CDK12: variants seen among roughly 807,000 people sequenced by gnomAD.
The protein encoded by CDK12 is cyclin-dependent kinase 12.
Under a neutral mutation model 133.8 loss-of-function variants are expected in CDK12, and 17 were observed. The ratio of observed to expected loss-of-function variants is 0.13; its 90% CI spans 0.09 to 0.19. The LOEUF (loss-of-function observed/expected upper bound fraction) is 0.19, where lower values mean the gene tolerates loss of function less well. Among genes scored for constraint, CDK12 ranks in the 10% least tolerant of loss-of-function variants. The pLI is 1.00. For synonymous variants in CDK12, 694 were observed against 683.6 expected (o/e 1.02, Z -0.24); for missense variants, 1,508 against 1,818.7 (o/e 0.83, Z 3.11).
Position 39,490,079 on chromosome 17 carries a change from T to A in CDK12, c.1932-478T>A, listed in dbSNP as rs1490967471. On this transcript the variant is annotated intron_variant, in intron 2 of 13. Transcript: ENST00000447079. The stretch of plus-strand genomic sequence containing the variant: ...ACTATAGATTTCTATTTATAAAATT[T>A]ATCTCAGCCAGGCATGGTGGCTCAC... Among the ~76,000 whole-genome samples the A allele has an allele frequency of 2.0e-5, 3 of 151,838 alleles. No individual in the cohort carries two copies. In the East Asian group the frequency reaches 5.8e-4, roughly 29 times the overall value.
chr17:39,494,231 G>C (rs1043207712), intron 4 of CDK12, among the ~76,000 whole-genome samples: 3 of 151,712 alleles, frequency 2.0e-5, no homozygotes, highest in African/African-American at 7.3e-5. Flanking sequence ...CCACCACCAC[G>C]CCCAGCTAAT....
chr17:39,561,679 C>T (rs539279256), intron 3 of CDK12, among the ~76,000 whole-genome samples: 41 of 152,210 alleles, frequency 2.7e-4, no homozygotes, highest in Non-Finnish European at 5.4e-4. Flanking sequence ...CACCTCCCAC[C>T]TCCTGCTGGA....
chr17:39,530,375 A>G, intron 13 of CDK12: 1 of 503,774 alleles, frequency 2.0e-6, no homozygotes, highest in Non-Finnish European at 3.3e-6. Flanking sequence ...CAGGATAATC[A>G]TTTGAAACAT....
In CDK12 at chr17:39,471,253, A is replaced by G. The variant is rs2049769260; in HGVS notation, c.1421A>G (p.Asn474Ser). 1.2e-5 allele frequency: 19 copies of G among 1,609,698 alleles called. No individual in the cohort carries two copies. The highest frequency in any genetic ancestry group is 1.4e-5 in the Non-Finnish European group (16 of 1,178,872). The part of the protein sequence containing the change: ...NVTHLNTEVK[N>S]SSDTGKVKLD... ...ACACATCTAAACACAGAGGTAAAAA[A>G]TTCTTCAGATACAGGGAAAGTAAAG... The change falls in exon 2 of 14, where the codon AAT becomes AGT. Residue 474 changes from asparagine to serine, a missense_variant. Coordinates refer to ENST00000447079, the MANE Select transcript of CDK12 (RefSeq NM_016507.4).
At chr17:39,484,537 T>A (rs1419038452) in intron 2 of CDK12, among the ~76,000 whole-genome samples, 1 of 152,170 alleles carries the variant, frequency 6.6e-6, no homozygotes, top group Non-Finnish European at 1.5e-5. Flanking sequence ...TGTCATTAAA[T>A]TTTCAAGGTT....
intron 2 of CDK12, among the ~76,000 whole-genome samples, chr17:39,487,043 G>T (rs1174073200): frequency 6.6e-6 from 1 of 152,114 alleles, no homozygotes; most frequent in African/African-American, 2.4e-5. Context: ...GTGACTCAAA[G>T]AGTTTTCTGA....
At chr17:39,536,369 T>C (rs940345328), downstream of CDK12, among the ~76,000 whole-genome samples, 20 of 152,152 alleles carry the variant, frequency 1.3e-4, no homozygotes, top group African/African-American at 4.8e-4. Flanking sequence ...CCTACTGTAG[T>C]GGAAAGTGAA....
intron 10 of CDK12, 43 bp downstream of exon 10, chr17:39,517,599 G>A (rs2146516274): frequency 8.0e-7 from 1 of 1,243,448 alleles, no homozygotes; most frequent in Non-Finnish European, 1.2e-6. Flanking sequence ...GTGTCTGGCT[G>A]GTGTTGGGAC....
intron 1 of CDK12, among the ~76,000 whole-genome samples, chr17:39,467,077 C>G (rs1182748894): frequency 1.3e-5 from 2 of 152,106 alleles, no homozygotes; most frequent in Admixed American, 6.6e-5. Flanking sequence ...CTCCCAGGTT[C>G]AAGCGATTCT....
In CDK12 at chr17:39,462,242, C is replaced by G; in HGVS notation, c.171C>G (p.Thr57=). ...SKHSKDMGLV[T]PEAASLGTVI... is the part of the protein sequence containing the mutation. ...ACTCCAAAGACATGGGGTTGGTGAC[C>G]CCCGAAGCAGCATCCCTGGGCACAG... The change falls in exon 1 of 14, where the codon ACC becomes ACG. Residue 57 remains threonine (T), a synonymous_variant. Coordinates refer to ENST00000447079, the MANE Select transcript of CDK12 (RefSeq NM_016507.4). The G allele has an allele frequency of 6.2e-7, 1 of 1,614,140 alleles. No individual in the cohort carries two copies.
intron 3 of CDK12, among the ~76,000 whole-genome samples, chr17:39,559,836 C>T (rs1219288943): frequency 7.5e-6 from 1 of 133,230 alleles, no homozygotes; most frequent in Non-Finnish European, 1.5e-5. Flanking sequence ...AAGACCCCAT[C>T]TCATAAAAAA....
chr17:39,539,824 C>T (rs1386596258), intron 1 of CDK12, among the ~76,000 whole-genome samples: 1 of 152,136 alleles, frequency 6.6e-6, no homozygotes, highest in Non-Finnish European at 1.5e-5. Context: ...GGACATAGAA[C>T]AGAAGAGGAA....
chr17:39,548,173 C>G (rs1025177320), upstream of CDK12, among the ~76,000 whole-genome samples: 3 of 152,070 alleles, frequency 2.0e-5, no homozygotes, highest in Admixed American at 1.3e-4. Context: ...TTCTCCAAAA[C>G]AGGGGTCAGA....
At chr17:39,561,403 G>C (rs1320827325) in intron 3 of CDK12, among the ~76,000 whole-genome samples, 6 of 152,204 alleles carry the variant, frequency 3.9e-5, no homozygotes, top group Non-Finnish European at 2.9e-5. Context: ...GGACGTGGTA[G>C]AGAGGGCATG....
At chr17:39,512,356 T>C (rs2053553488) in intron 8 of CDK12, among the ~76,000 whole-genome samples, 1 of 152,198 alleles carries the variant, frequency 6.6e-6, no homozygotes, top group African/African-American at 2.4e-5. Flanking sequence ...TTACAGTTTG[T>C]TTTGAGTACT....
chr17:39,546,497 G>C (rs72827128), upstream of CDK12: 1,324 of 152,220 alleles, frequency 8.7e-3, 8 homozygotes, highest in Non-Finnish European at 0.015. Context: ...AATTTTTTTA[G>C]TATATGTGCT....
At chr17:39,543,171 A>T (rs2055511424), upstream of CDK12, among the ~76,000 whole-genome samples, 1 of 152,246 alleles carries the variant, frequency 6.6e-6, no homozygotes. Flanking sequence ...CTCTGAGATT[A>T]CAGGAAAATG....
At position 39,533,870 on chromosome 17, in the gene CDK12, G is replaced by A. The variant is rs936307323; in HGVS notation, c.*2554G>A. The A allele has an allele frequency of 4.3e-5, 10 of 231,938 alleles. No homozygotes were observed. Among genetic ancestry groups the A allele is most frequent in the African/African-American group, 6.6e-5 (3 of 45,240 alleles). The allele number at this position is 231,938 out of a possible 1,614,324, so 14.4% of individuals were successfully genotyped here. ...AGGTATTTGTTAATTTTTCAGTTAC[G>A]TTATCTATAAACATGATGGAAGTAA... On this transcript the variant is annotated 3_prime_UTR_variant, in exon 14 of 14. Coordinates refer to ENST00000447079, the MANE Select transcript of CDK12 (RefSeq NM_016507.4).
At chr17:39,486,770 A>C (rs1039761839) in intron 2 of CDK12, among the ~76,000 whole-genome samples, 1 of 152,076 alleles carries the variant, frequency 6.6e-6, no homozygotes, top group African/African-American at 2.4e-5. Flanking sequence ...GCACTTTGGG[A>C]GGCTGAGGTG....
Sources: gnomAD v4.1 joint callset for allele counts (sites outside exome capture counted in the v4.1 genomes callset) on GRCh38, gnomAD v4.1.1 for gene constraint, MANE v1.5 for transcripts, NCBI Gene and HGNC (gene_info 2026-07-23, HGNC 2026-07-21) for gene names.